The following CCDC180 variants were observed in gnomAD, a reference collection of about 807,000 sequenced individuals.
The protein encoded by CCDC180 is coiled-coil domain containing 180.
A neutral mutation model predicts 209.2 loss-of-function variants in CCDC180; 154 were observed. That is an observed-to-expected ratio of 0.74 (90% CI 0.65 to 0.84). The LOEUF (loss-of-function observed/expected upper bound fraction) is 0.84. Ranked by LOEUF, CCDC180 falls within the 40% of genes least tolerant of loss-of-function variation. CCDC180 has a pLI of 0.00. For synonymous variants in CCDC180, 778 were observed against 749.1 expected (o/e 1.04, Z -0.63); for missense variants, 1,874 against 1,997.3 (o/e 0.94, Z 1.18).
At chr9:97,371,536 G>A in intron 33 of CCDC180, 59 bp from the exon 34 acceptor site, 1 of 1,096,454 alleles carries the variant, frequency 9.1e-7, no homozygotes, top group South Asian at 1.5e-5. Context: ...CCCCTCTTCA[G>A]CTGGCCTTGG....
chr9:97,343,325 TTA>T lies in CCDC180; in HGVS notation c.2275-13_2275-12del. 1.3e-6 allele frequency: 2 copies of T among 1,535,488 alleles called. No individual in the cohort carries two copies. The highest frequency in any genetic ancestry group is 2.2e-5 in the South Asian group (2 of 89,242). On this transcript the variant is annotated splice_polypyrimidine_tract_variant and intron_variant, in intron 18 of 36. Transcript: ENST00000529487. The stretch of plus-strand genomic sequence containing the variant: ...TGATGATATCAAGTCAACTTTAGTG[TTA>T]TTGCCTGCTTAGGAAGAAGACAAGG...
At chr9:97,331,031 T>C (rs1380981524) in intron 18 of CCDC180, among the ~76,000 whole-genome samples, 1 of 151,072 alleles carries the variant, frequency 6.6e-6, no homozygotes, top group Non-Finnish European at 1.5e-5. Context: ...CTAATAAGCA[T>C]AGTACCCAAT....
At chr9:97,372,709 G>A (rs1283220142) in intron 34 of CCDC180, 1 of 151,494 alleles carries the variant, frequency 6.6e-6, no homozygotes, top group Non-Finnish European at 1.5e-5. Flanking sequence ...AAAATTTAAA[G>A]ATTAGCTCGG....
chr9:97,374,309 A>C, intron 34 of CCDC180: 1 of 499,034 alleles, frequency 2.0e-6, no homozygotes, highest in Non-Finnish European at 3.6e-6. Context: ...GGAGCTGGGA[A>C]CAGCACCCAC....
Position 97,349,158 on chromosome 9 carries a change from G to GT in CCDC180, c.2723dup (p.Thr909AspfsTer28). The GT allele has an allele frequency of 6.5e-7, 1 of 1,536,280 alleles. No homozygotes were observed. On this transcript the variant is annotated frameshift_variant, in exon 21 of 37. Coordinates refer to ENST00000529487, the MANE Select transcript of CCDC180 (RefSeq NM_020893.6). LOFTEE classifies it high-confidence loss of function. ...GCAGTTGGACAGCCACTGTGCTGGG[G>GT]TGACCGAGACGCTGAAGAAGAAGCG...
intron 30 of CCDC180, 150 bp downstream of exon 30, chr9:97,365,889 T>A: frequency 1.5e-6 from 1 of 659,830 alleles, no homozygotes; most frequent in South Asian, 1.8e-5. Flanking sequence ...CACCTCCCTA[T>A]GAGTTTTTTT....
At chr9:97,319,695 A>C (rs1833294276) in intron 10 of CCDC180, among the ~76,000 whole-genome samples, 1 of 152,204 alleles carries the variant, frequency 6.6e-6, no homozygotes. Context: ...TAATGACTTC[A>C]GAAGAGGATT....
chr9:97,371,617 AG>A lies in CCDC180; in HGVS notation c.4513del (p.Val1505PhefsTer3), dbSNP rs774518206. 1 of 1,606,744 alleles carries A rather than the reference AG, an allele frequency of 6.2e-7. No individual in the cohort carries two copies. Among genetic ancestry groups the A allele is most frequent in the Non-Finnish European group, 8.5e-7 (1 of 1,173,970 alleles). On this transcript the variant is annotated frameshift_variant, in exon 34 of 37. Coordinates refer to ENST00000529487, the MANE Select transcript of CCDC180 (RefSeq NM_020893.6). LOFTEE classifies it high-confidence loss of function. ...CAGGAATGTACCAGAAGGAATGGCCAGGTTTTCATAACCAACTTGGCCACCT... is the reference window on the plus strand; with the variant it reads ...CAGGAATGTACCAGAAGGAATGGCCAGTTTTCATAACCAACTTGGCCACCT... ...KLEECTRRNG[Q>X]VFITNLATFT...
At chr9:97,346,949 C>T (rs1246628965) in intron 19 of CCDC180, among the ~76,000 whole-genome samples, 1 of 152,152 alleles carries the variant, frequency 6.6e-6, no homozygotes, top group African/African-American at 2.4e-5. Context: ...ATTTAGACGT[C>T]TGACAATACA....
chr9:97,348,064 A>G (rs1826320822), intron 20 of CCDC180, among the ~76,000 whole-genome samples: 2 of 149,344 alleles, frequency 1.3e-5, no homozygotes, highest in Admixed American at 1.3e-4. Flanking sequence ...ATCATTTATC[A>G]TACTTAAAAA....
chr9:97,351,550 T>G (rs527935330), intron 22 of CCDC180, among the ~76,000 whole-genome samples: 1 of 152,376 alleles, frequency 6.6e-6, no homozygotes, highest in African/African-American at 2.4e-5. Context: ...TTAAGGCTTA[T>G]GCTATTTTAA....
chr9:97,307,465 A>G (rs117120766), upstream of CCDC180: 13,123 of 591,014 alleles, frequency 0.022, 188 homozygotes, highest in Middle Eastern at 0.033. Flanking sequence ...TGCTCAGTCT[A>G]CTTGGCGGGC....
Position 97,313,854 on chromosome 9 carries a change from G to T in CCDC180, c.459+509G>T, listed in dbSNP as rs78822753. ...AACGAGACCAGCCTTTGCCCTTCTG[G>T]ATTGCCCTGAGCCCCAGATTTCCAT... is the stretch of plus-strand genomic sequence containing the variant. On this transcript the variant is annotated intron_variant, in intron 5 of 36. Transcript: ENST00000529487. Among the ~76,000 whole-genome samples the T allele has an allele frequency of 9.3e-3, 1,413 of 152,272 alleles. 41 individuals carry two copies. In the East Asian group the frequency reaches 0.095, roughly 10 times the overall value.
At position 97,307,723 on chromosome 9, in the gene CCDC180, T is replaced by C. The variant is rs774329532; in HGVS notation, c.-165T>C. On this transcript the variant is annotated 5_prime_UTR_variant, in exon 1 of 37. Transcript: ENST00000529487. ...AAGCACAAGCAATAATCCTGTATTA[T>C]TCGCGTTCCCAGAGTCCCTTCGGAT... The C allele has an allele frequency of 1.2e-6, 2 of 1,613,644 alleles. No individual in the cohort carries two copies. The highest frequency in any genetic ancestry group is 1.7e-6 in the Non-Finnish European group (2 of 1,179,560).
chr9:97,320,065 C>G, intron 10 of CCDC180, 61 bp from the exon 11 acceptor site: 1 of 1,250,178 alleles, frequency 8.0e-7, no homozygotes, highest in African/African-American at 1.5e-5. Flanking sequence ...AAGATGCTAC[C>G]CATTTTGGTG....
chr9:97,313,251 G>A lies in CCDC180; in HGVS notation c.365G>A (p.Ser122Asn), dbSNP rs1315040988. 6.2e-7 allele frequency: 1 copy of A among 1,610,812 alleles called. No homozygotes were observed. The highest frequency in any genetic ancestry group is 1.1e-5 in the South Asian group (1 of 90,936). Residue 122 changes from serine to asparagine, a missense_variant, in exon 5 of 37, where the codon AGC becomes AAC. Ser to Asn is a conservative substitution (Grantham distance 46). Transcript: ENST00000529487. ...LMDTIVPEKI[S>N]TSTFQRQAEH... ...TGCTCCGCAGTTCCTGAGAAGATAA[G>A]CACCAGCACCTTTCAAAGGCAAGCA...
At chr9:97,372,810 C>T (rs932565226) in intron 34 of CCDC180, 2 of 152,080 alleles carry the variant, frequency 1.3e-5, no homozygotes, top group Non-Finnish European at 2.9e-5. Context: ...GTCTTTAAGT[C>T]GAGACTGCTG....
rs1827058242 is a variant in CCDC180, at chr9:97,370,624, G to T, written c.4351-17G>T. The stretch of plus-strand genomic sequence containing the variant: ...TGGGTTAACATTGCCACTGAATTCT[G>T]GATTGTTTGATTAAAGGACAAAAAT... On this transcript the variant is annotated splice_polypyrimidine_tract_variant and intron_variant, in intron 32 of 36. Transcript: ENST00000529487. 1.9e-6 allele frequency: 3 copies of T among 1,612,286 alleles called. No homozygotes were observed. Among genetic ancestry groups the T allele is most frequent in the Middle Eastern group, 1.7e-4 (1 of 6,054 alleles).
rs3052476 is a variant in CCDC180 at position 97,367,466 on chromosome 9, AT to A, written c.4189+782del. ...TCACCTCTCTGAGCCTCAGTTTTCTATTTTTTTTTTTTTTTTCTGAGACAGA... is the reference window on the plus strand; with the variant it reads ...TCACCTCTCTGAGCCTCAGTTTTCTATTTTTTTTTTTTTTTCTGAGACAGA... On this transcript the variant is annotated intron_variant, in intron 31 of 36. Coordinates refer to ENST00000529487, the MANE Select transcript of CCDC180 (RefSeq NM_020893.6). Among the ~76,000 whole-genome samples the A allele has an allele frequency of 1.6e-3, 208 of 128,242 alleles. 1 individual carries two copies. The highest frequency in any genetic ancestry group is 3.9e-3 in the Middle Eastern group (1 of 258). The allele number at this position is 128,242 out of a possible 152,430, so 84.1% of individuals were successfully genotyped here.
Sources: allele counts gnomAD v4.1 joint callset (sites outside exome capture counted in the v4.1 genomes callset), GRCh38; gene constraint gnomAD v4.1.1; transcripts MANE v1.5; gene names NCBI Gene and HGNC (gene_info 2026-07-23, HGNC 2026-07-21).